ADAD2: variants seen among roughly 807,000 people sequenced by gnomAD.
ADAD2 encodes adenosine deaminase domain-containing protein 2.
In ADAD2, 60 loss-of-function variants were observed where a neutral mutation model predicts 54.5. The ratio of observed to expected loss-of-function variants is 1.10; its 90% CI spans 0.89 to 1.36. The LOEUF (loss-of-function observed/expected upper bound fraction) is 1.36, where lower values mean the gene tolerates loss of function less well. ADAD2 is among the 40% of genes most tolerant of loss of function. The pLI is 0.00. For synonymous variants in ADAD2, 543 were observed against 366.2 expected, an observed-to-expected ratio of 1.48 and a Z score of -5.51; for missense variants, 1,103 against 801.3, an observed-to-expected ratio of 1.38 and a Z score of -4.54.
Position 84,196,741 on chromosome 16 carries a change from G to T in ADAD2, c.1621G>T (p.Ala541Ser), listed in dbSNP as rs112789102. The T allele has an allele frequency of 0.024, 38,186 of 1,612,596 alleles. 545 individuals are homozygous for T. The highest frequency in any genetic ancestry group is 0.04 in the Middle Eastern group (244 of 6,060). ...ARAVGKPYLL[A>S]LKTYEAAKAG... ...GGCTGTGGGGAAGCCCTACCTCCTG[G>T]CCTTGAAGACCTACGAGGCTGCCAA... The change falls in exon 9 of 10, where the codon GCC becomes TCC. Residue 541 changes from alanine to serine, a missense_variant. Transcript: ENST00000315906.
intron 1 of ADAD2, 77 bp from the exon 2 acceptor site, chr16:84,194,365 G>T: frequency 6.4e-7 from 1 of 1,560,076 alleles, no homozygotes; most frequent in Non-Finnish European, 8.7e-7. Flanking sequence ...GATATCAGGT[G>T]TCAGGAGGAG....
At chr16:84,194,210 T>G in intron 1 of ADAD2, 2 of 1,564,802 alleles carry the variant, frequency 1.3e-6, no homozygotes, top group Non-Finnish European at 1.7e-6. Context: ...ATCCCTGCTG[T>G]GGAGGAGTTG....
Position 84,195,193 on chromosome 16 carries a change from G to A in ADAD2, c.732G>A (p.Arg244=), listed in dbSNP as rs370322003. Residue 244 remains arginine, a splice_region_variant and synonymous_variant, in exon 4 of 10, where the codon AGG becomes AGA. Coordinates refer to ENST00000315906, the MANE Select transcript of ADAD2 (RefSeq NM_001145400.2). ...KGTVAGVILE[R]EIPRARGHVK... ...CTGTGGCTGGAGTCATCCTGGAGAGGGGTAGGGATCGCCCCAGCCCTGGCC... is the reference window on the plus strand; with the variant it reads ...CTGTGGCTGGAGTCATCCTGGAGAGAGGTAGGGATCGCCCCAGCCCTGGCC... 59 of 1,612,440 alleles carry A rather than the reference G, an allele frequency of 3.7e-5. No individual in the cohort carries two copies. Among genetic ancestry groups the A allele is most frequent in the Non-Finnish European group, 5.0e-5 (59 of 1,179,568 alleles).
rs2089650820 is a variant in ADAD2, at chr16:84,191,410, G to C, written c.180G>C (p.Gln60His). ...ATCGCGCGGAGGGCGGGTGGCCCCA[G>C]GTCTCGGTGTTGAGGGACAGTGGGC... The part of the protein sequence containing the change: ...ATYRAEGGWP[Q>H]VSVLRDSGPG... Residue 60 changes from glutamine to histidine, a missense_variant, in exon 1 of 10, where the codon CAG (glutamine) becomes CAC (histidine). Coordinates refer to ENST00000315906, the MANE Select transcript of ADAD2 (RefSeq NM_001145400.2). The C allele has an allele frequency of 6.7e-7, 1 of 1,495,246 alleles. No homozygotes were observed. The highest frequency in any genetic ancestry group is 2.5e-5 in the East Asian group (1 of 40,688). 92.6% of individuals were successfully genotyped at this position (1,495,246 alleles called of 1,614,324 possible).
intron 9 of ADAD2, 22 bp from the exon 10 acceptor site, chr16:84,196,848 C>A: frequency 6.3e-7 from 1 of 1,592,128 alleles, no homozygotes; most frequent in Non-Finnish European, 8.6e-7. Context: ...CCTCTCACCC[C>A]ACCTCTCATC....
chr16:84,193,568 A>C (rs2151326604), intron 1 of ADAD2: 1 of 157,694 alleles, frequency 6.3e-6, no homozygotes, highest in East Asian at 1.8e-4. Flanking sequence ...GGTGGCATCT[A>C]CCAGGTGTCT....
At position 84,195,548 on chromosome 16, in the gene ADAD2, C is replaced by T. The variant is rs1260423934; in HGVS notation, c.903C>T (p.Leu301=). The T allele has an allele frequency of 6.3e-7, 1 of 1,597,832 alleles. No individual in the cohort carries two copies. The highest frequency in any genetic ancestry group is 1.1e-5 in the South Asian group (1 of 89,030). Residue 301 remains leucine, a synonymous_variant, in exon 6 of 10, where the codon CTC becomes CTT. Coordinates refer to ENST00000315906, the MANE Select transcript of ADAD2 (RefSeq NM_001145400.2). The part of the protein sequence containing the change: ...RALLRFLFRQ[L]LLATQGGPKG... Reference sequence around the variant, plus strand: ...CTCCTAGGTTCTTGTTCCGGCAGCTCCTGCTGGCCACACAGGGGGGCCCCA... The same window carrying T: ...CTCCTAGGTTCTTGTTCCGGCAGCTTCTGCTGGCCACACAGGGGGGCCCCA...
At chr16:84,194,178 C>A in intron 1 of ADAD2, 1 of 1,595,458 alleles carries the variant, frequency 6.3e-7, no homozygotes, top group Non-Finnish European at 8.5e-7. Context: ...CGTTTCTGCT[C>A]ATCTGTGAAA....
chr16:84,195,704 A>T lies in ADAD2; in HGVS notation c.1052+7A>T, dbSNP rs1172718716. 1.3e-6 allele frequency: 2 copies of T among 1,537,024 alleles called. No homozygotes were observed. The highest frequency in any genetic ancestry group is 1.7e-6 in the Non-Finnish European group (2 of 1,144,084). On this transcript the variant is annotated splice_region_variant and intron_variant, in intron 6 of 9. Transcript: ENST00000315906. ...GCGCGGCCCGTGACATCTAGTATGC[A>T]GGGCCCCCGGGGCAGGCGGGGGATG...
chr16:84,193,528 T>A (rs556974394), intron 1 of ADAD2: 1 of 155,724 alleles, frequency 6.4e-6, no homozygotes, highest in South Asian at 2.0e-4. Context: ...CTTTGTCCCC[T>A]GGCGATGCGA....
In ADAD2 at chr16:84,196,693, CG is replaced by C; in HGVS notation, c.1576del (p.Ala526ProfsTer17). ...PSRLCKASFL[R>X]AFHQAARAVG... Reference sequence around the variant, plus strand: ...CCGTCTCTGCAAGGCCTCCTTTCTCCGGGCCTTTCACCAGGCGGCCAGGGCT... The same window carrying C: ...CCGTCTCTGCAAGGCCTCCTTTCTCCGGCCTTTCACCAGGCGGCCAGGGCT... On this transcript the variant is annotated frameshift_variant, in exon 9 of 10. Transcript: ENST00000315906. LOFTEE classifies it high-confidence loss of function. 2 of 1,613,448 alleles carry C rather than the reference CG, an allele frequency of 1.2e-6. No homozygotes were observed. Among genetic ancestry groups the C allele is most frequent in the Non-Finnish European group, 1.7e-6 (2 of 1,179,990 alleles).
rs372481052 is a variant in ADAD2, at chr16:84,191,415, C to A, written c.185C>A (p.Ser62Ter). The change falls in exon 1 of 10, where the codon TCG becomes TAG. Residue 62 changes from serine to a stop codon, truncating the protein, a stop_gained. Transcript: ENST00000315906. LOFTEE classifies it high-confidence loss of function. ...YRAEGGWPQV[S>*]VLRDSGPGAG... is the part of the protein sequence containing the mutation. ...GCGGAGGGCGGGTGGCCCCAGGTCT[C>A]GGTGTTGAGGGACAGTGGGCCTGGG... The A allele has an allele frequency of 1.3e-6, 2 of 1,495,218 alleles. No individual in the cohort carries two copies. The highest frequency in any genetic ancestry group is 1.8e-6 in the Non-Finnish European group (2 of 1,125,922). 92.6% of individuals were successfully genotyped at this position (1,495,218 alleles called of 1,614,324 possible).
chr16:84,196,880 A>T lies in ADAD2; in HGVS notation c.1658A>T (p.Tyr553Phe). 6.3e-7 allele frequency: 1 copy of T among 1,593,424 alleles called. No individual in the cohort carries two copies. ...KTYEAAKAGP[Y>F]QEARRQLSLL... ...CATCTCCCGCCCTAGGCTGGGCCCT[A>T]CCAGGAGGCTCGCAGGCAGCTGTCT... is the stretch of plus-strand genomic sequence containing the variant. Residue 553 changes from tyrosine (Y) to phenylalanine (F), a missense_variant, in exon 10 of 10, where the codon TAC (tyrosine) becomes TTC (phenylalanine). Physicochemically the swap from Tyr to Phe is conservative, Grantham distance 22. Coordinates refer to ENST00000315906, the MANE Select transcript of ADAD2 (RefSeq NM_001145400.2).
In ADAD2 at chr16:84,196,239, C is replaced by T. The variant is rs770888310; in HGVS notation, c.1395C>T (p.His465=). The T allele has an allele frequency of 1.9e-6, 3 of 1,612,358 alleles. No homozygotes were observed. Among genetic ancestry groups the T allele is most frequent in the Admixed American group, 1.7e-5 (1 of 60,022 alleles). Reference sequence around the variant, plus strand: ...CTCCCTACGTCCGGACCGCCCTGCACCTGTTTGCAGGGCCCCCGGTGGCCC... The same window carrying T: ...CTCCCTACGTCCGGACCGCCCTGCATCTGTTTGCAGGGCCCCCGGTGGCCC... ...LPPPYVRTAL[H]LFAGPPVAPS... is the part of the protein sequence containing the mutation. The change falls in exon 8 of 10, where the codon CAC becomes CAT. Residue 465 remains histidine (H), a synonymous_variant. Coordinates refer to ENST00000315906, the MANE Select transcript of ADAD2 (RefSeq NM_001145400.2).
rs1247502773 is a variant in ADAD2 at position 84,191,197 on chromosome 16, T to C, written c.-34T>C. The stretch of plus-strand genomic sequence containing the variant: ...GTGAAAGGGCGAGAGCAGCGCGAGA[T>C]AGGGCCTAGCGCCTCAGATCTTCGT... On this transcript the variant is annotated 5_prime_UTR_variant, in exon 1 of 10. Transcript: ENST00000315906. 6.3e-7 allele frequency: 1 copy of C among 1,592,818 alleles called. No homozygotes were observed. The highest frequency in any genetic ancestry group is 8.6e-7 in the Non-Finnish European group (1 of 1,167,730).
intron 5 of ADAD2, 32 bp from the exon 6 acceptor site, chr16:84,195,498 C>G: frequency 6.2e-7 from 1 of 1,604,244 alleles, no homozygotes; most frequent in Non-Finnish European, 8.5e-7. Context: ...AGGACAAGGT[C>G]TTCCCAACCA....
chr16:84,193,638 T>A (rs1368625335), intron 1 of ADAD2: 1 of 176,388 alleles, frequency 5.7e-6, no homozygotes, highest in African/African-American at 2.3e-5. Flanking sequence ...ATCATGTAGA[T>A]ATCCTGTCCC....
chr16:84,196,141 G>C lies in ADAD2; in HGVS notation c.1297G>C (p.Asp433His), dbSNP rs375522638. 6.2e-7 allele frequency: 1 copy of C among 1,603,222 alleles called. No individual in the cohort carries two copies. The highest frequency in any genetic ancestry group is 8.5e-7 in the Non-Finnish European group (1 of 1,179,718). The change falls in exon 8 of 10, where the codon GAC becomes CAC. Residue 433 changes from aspartate to histidine, a missense_variant. By Grantham distance (81) the Asp-to-His change is moderately conservative. Transcript: ENST00000315906. ...CTGCCCTGCAGCTGACTCATGCCAC[G>C]ACCCTCCGACTCTGAGCAGGGCCAT... ...TSLILADSCH[D>H]PPTLSRAIHT...
intron 1 of ADAD2, chr16:84,192,448 C>T (rs2089667891): frequency 6.6e-6 from 1 of 152,290 alleles, no homozygotes; most frequent in Non-Finnish European, 1.5e-5. Context: ...CACACTTGGC[C>T]CAGAGTTTTA....
Sources: gnomAD v4.1 joint callset for allele counts on GRCh38, gnomAD v4.1.1 for gene constraint, MANE v1.5 for transcripts, NCBI Gene and HGNC (gene_info 2026-07-23, HGNC 2026-07-21) for gene names.